Variants in ITGB8 observed in about 807,000 individuals in gnomAD.
The protein encoded by ITGB8 is integrin beta-8.
ITGB8 carries 30 observed loss-of-function variants against 89.5 expected under a neutral mutation model. That is an observed-to-expected ratio of 0.34 (90% CI 0.25 to 0.45). The LOEUF is 0.45. ITGB8 is among the 20% of genes least tolerant of loss of function. ITGB8 has a pLI of 1.00. For synonymous variants in ITGB8, 335 were observed against 320.4 expected (o/e 1.05, Z -0.49); for missense variants, 836 against 933.3 (o/e 0.90, Z 1.36).
chr7:20,366,966 AT>A, intron 2 of ITGB8, 45 bp from the exon 3 acceptor site: 1 of 1,349,218 alleles, frequency 7.4e-7, no homozygotes, highest in Non-Finnish European at 1.0e-6. Flanking sequence ...TTTGGATGTA[AT>A]TGATATACAC....
Position 20,363,738 on chromosome 7 carries a change from TTTTC to T in ITGB8, c.213+20_213+23del. ...TGTTCAAGAGGTGTGCCATTTTTTTTTTTCTTTTTCTCATGGTTGACTTGAGCTA... is the reference window on the plus strand; with the variant it reads ...TGTTCAAGAGGTGTGCCATTTTTTTTTTTTTCTCATGGTTGACTTGAGCTA... On this transcript the variant is annotated intron_variant, in intron 2 of 13. Coordinates refer to ENST00000222573, the MANE Select transcript of ITGB8 (RefSeq NM_002214.3). 6.5e-7 allele frequency: 1 copy of T among 1,530,198 alleles called. No homozygotes were observed. The highest frequency in any genetic ancestry group is 8.8e-7 in the Non-Finnish European group (1 of 1,132,026). The allele number at this position is 1,530,198 out of a possible 1,614,324, so 94.8% of individuals were successfully genotyped here. A position where few individuals can be genotyped will look rare whatever the true frequency, so the allele number is the denominator to read the frequency against.
chr7:20,346,061 G>T (rs1483440557), intron 1 of ITGB8, among the ~76,000 whole-genome samples: 1 of 152,200 alleles, frequency 6.6e-6, no homozygotes, highest in African/African-American at 2.4e-5. Context: ...GTGACATAAT[G>T]TAAGTTACAA....
chr7:20,407,665 C>T (rs778743243), intron 12 of ITGB8, among the ~76,000 whole-genome samples: 1 of 152,168 alleles, frequency 6.6e-6, no homozygotes, highest in Admixed American at 6.5e-5. Flanking sequence ...GCTGGAGCTG[C>T]GGCAATCACT....
At chr7:20,408,551 C>A (rs1019134832) in intron 12 of ITGB8, among the ~76,000 whole-genome samples, 12 of 152,160 alleles carry the variant, frequency 7.9e-5, no homozygotes, top group Non-Finnish European at 1.3e-4. Flanking sequence ...TGGCAGGTCA[C>A]CTCCGTAGTG....
intron 10 of ITGB8, among the ~76,000 whole-genome samples, chr7:20,404,200 T>C (rs543053390): frequency 2.6e-5 from 4 of 152,352 alleles, no homozygotes; most frequent in African/African-American, 9.6e-5. Context: ...TCCTAGGCCT[T>C]CAGCAACATC....
intron 4 of ITGB8, chr7:20,380,463 A>G: frequency 1.9e-6 from 1 of 524,982 alleles, no homozygotes; most frequent in Non-Finnish European, 3.3e-6. Flanking sequence ...AAATGCTTAT[A>G]GTCTTATTTC....
rs1787772104 is a variant in ITGB8, at chr7:20,411,816, G to GT, written c.*1820dup. 1.3e-5 allele frequency: 2 copies of GT among 152,212 alleles called. No individual in the cohort carries two copies. The highest frequency in any genetic ancestry group is 2.9e-5 in the Non-Finnish European group (2 of 68,030). The allele number at this position is 152,212 out of a possible 1,614,324, so 9.4% of individuals were successfully genotyped here. ...GGGGAATTCCTTCGCACCATAGCCT[G>GT]TATGAACAGTGTTCCCTGGAGTTCT... On this transcript the variant is annotated 3_prime_UTR_variant, in exon 14 of 14. Transcript: ENST00000222573.
rs1362523366 is a variant in ITGB8 at position 20,337,359 on chromosome 7, T to G, written c.127+5426T>G. On this transcript the variant is annotated intron_variant, in intron 1 of 13. Transcript: ENST00000222573. ...AAAAATTAATAAAAAATCCAAGCTA[T>G]TCTAACTCCTTTAATGACTATTCAT... Among the ~76,000 whole-genome samples the G allele has an allele frequency of 3.9e-5, 6 of 152,306 alleles. No individual in the cohort carries two copies. The East Asian group carries it at 1.2e-3, about 29-fold the overall frequency.
In ITGB8 at chr7:20,412,710, T is replaced by G. The variant is rs898779063; in HGVS notation, c.*2713T>G. 6.6e-6 allele frequency: 1 copy of G among 152,612 alleles called. No homozygotes were observed. Among genetic ancestry groups the G allele is most frequent in the Non-Finnish European group, 1.5e-5 (1 of 68,018 alleles). The allele number at this position is 152,612 out of a possible 1,614,324, so 9.5% of individuals were successfully genotyped here. A position where few individuals can be genotyped will look rare whatever the true frequency, so the allele number is the denominator to read the frequency against. The stretch of plus-strand genomic sequence containing the variant: ...TTTTGTTTTTACTTAAAAAGCTAAT[T>G]TTTAAAGATTGTAGGGCTTGTATTT... On this transcript the variant is annotated 3_prime_UTR_variant, in exon 14 of 14. Coordinates refer to ENST00000222573, the MANE Select transcript of ITGB8 (RefSeq NM_002214.3).
chr7:20,355,378 T>C (rs186173285), intron 1 of ITGB8, among the ~76,000 whole-genome samples: 6 of 152,344 alleles, frequency 3.9e-5, no homozygotes, highest in Admixed American at 6.5e-5. Context: ...ATCTCTACTC[T>C]AGGGTCTTTC....
At chr7:20,338,552 G>A (rs1287499842) in intron 1 of ITGB8, among the ~76,000 whole-genome samples, 1 of 152,158 alleles carries the variant, frequency 6.6e-6, no homozygotes, top group Non-Finnish European at 1.5e-5. Context: ...AGAATTGCTA[G>A]ATCTCAGGAG....
intron 3 of ITGB8, among the ~76,000 whole-genome samples, chr7:20,368,738 C>T (rs767452800): frequency 3.4e-4 from 51 of 152,188 alleles, no homozygotes; most frequent in Non-Finnish European, 6.2e-4. Flanking sequence ...TATGCTCCTT[C>T]GTGCACACTG....
At chr7:20,366,923 T>C (rs1785721009) in intron 2 of ITGB8, 89 bp from the exon 3 acceptor site, 1 of 871,164 alleles carries the variant, frequency 1.1e-6, no homozygotes, top group African/African-American at 1.7e-5. Flanking sequence ...TGATATAAAA[T>C]ACCAAAAATG....
chr7:20,403,013 T>C (rs1787376453), intron 10 of ITGB8, among the ~76,000 whole-genome samples: 1 of 152,208 alleles, frequency 6.6e-6, no homozygotes, highest in East Asian at 1.9e-4. Flanking sequence ...ATTTGTTAAA[T>C]TATTGACGAA....
At chr7:20,387,881 G>T (rs1339168426) in intron 6 of ITGB8, among the ~76,000 whole-genome samples, 2 of 152,150 alleles carry the variant, frequency 1.3e-5, no homozygotes, top group Non-Finnish European at 2.9e-5. Context: ...TCTGCTATCT[G>T]ATTACTTCTA....
chr7:20,378,879 T>C (rs1562681410), intron 3 of ITGB8, among the ~76,000 whole-genome samples, 172 bp from the exon 4 acceptor site: 1 of 152,192 alleles, frequency 6.6e-6, no homozygotes, highest in South Asian at 2.1e-4. Context: ...CTTATAATTA[T>C]ACTAGAATAA....
rs200089466 is a variant in ITGB8, at chr7:20,376,392, CT to C, written c.389-2657del. Among the ~76,000 whole-genome samples, 115 of 152,268 alleles carry C rather than the reference CT, an allele frequency of 7.6e-4. 2 individuals carry two copies. The East Asian group carries it at 0.02, about 26-fold the overall frequency. On this transcript the variant is annotated intron_variant, in intron 3 of 13. Transcript: ENST00000222573. ...CTCCTCCAAAATTATGCCCAGGCAT[CT>C]TGTCCAAAATAGTTTATAAGTGGCT...
At position 20,404,827 on chromosome 7, in the gene ITGB8, CT is replaced by C; in HGVS notation, c.1888del (p.Cys630ValfsTer54). 1 of 1,614,182 alleles carries C rather than the reference CT, an allele frequency of 6.2e-7. No homozygotes were observed. The highest frequency in any genetic ancestry group is 8.5e-7 in the Non-Finnish European group (1 of 1,180,002). On this transcript the variant is annotated frameshift_variant, in exon 11 of 14. Coordinates refer to ENST00000222573, the MANE Select transcript of ITGB8 (RefSeq NM_002214.3). LOFTEE classifies it high-confidence loss of function. Reference sequence around the variant, plus strand: ...GCCGCTTCTGTGAACACTGCCCCACCTGTTATACAGCCTGCAAGGAAAACTG... The same window carrying C: ...GCCGCTTCTGTGAACACTGCCCCACCGTTATACAGCCTGCAAGGAAAACTG... ...IGRFCEHCPT[C>X]YTACKENWNC...
rs142166758 is a variant in ITGB8, at chr7:20,367,117, A to T, written c.319A>T (p.Ile107Leu). The change falls in exon 3 of 14, where the codon ATA becomes TTA. Residue 107 changes from isoleucine (I) to leucine (L), a missense_variant. Coordinates refer to ENST00000222573, the MANE Select transcript of ITGB8 (RefSeq NM_002214.3). ...DSIEYPSVHV[I>L]IPTENEINTQ... ...AATAGAATACCCATCTGTGCATGTT[A>T]TAATACCCACTGAAAATGAAATTAA... 1,776 of 1,611,668 alleles carry T rather than the reference A, an allele frequency of 1.1e-3. 3 individuals carry two copies. Among genetic ancestry groups the T allele is most frequent in the Non-Finnish European group, 1.4e-3 (1,627 of 1,177,932 alleles).
Sources: gnomAD v4.1 joint callset for allele counts (sites outside exome capture counted in the v4.1 genomes callset) on GRCh38, gnomAD v4.1.1 for gene constraint, MANE v1.5 for transcripts, NCBI Gene and HGNC (gene_info 2026-07-23, HGNC 2026-07-21) for gene names.